PTPRD: variants seen among roughly 807,000 people sequenced by gnomAD.
The protein encoded by PTPRD is protein tyrosine phosphatase receptor type D.
A neutral mutation model predicts 214.5 loss-of-function variants in PTPRD; 34 were observed. The observed-to-expected ratio is 0.16, with a 90% confidence interval of 0.12 to 0.21. PTPRD has a LOEUF of 0.21. PTPRD is among the 10% of genes least tolerant of loss of function. The pLI is 1.00. For synonymous variants in PTPRD, 1,128 were observed against 845.7 expected (o/e 1.33, Z -5.79); for missense variants, 2,545 against 2,398.7 (o/e 1.06, Z -1.27).
chr9:9,277,577 C>T (rs12341841), intron 9 of PTPRD, among the ~76,000 whole-genome samples: 6,940 of 151,210 alleles, frequency 0.046, 234 homozygotes, highest in Non-Finnish European at 0.074. Flanking sequence ...AATTTTGTTG[C>T]TTTATTTATT....
At chr9:10,296,472 AAC>A (rs2095677336) in intron 3 of PTPRD, among the ~76,000 whole-genome samples, 1 of 152,108 alleles carries the variant, frequency 6.6e-6, no homozygotes, top group South Asian at 2.1e-4. Flanking sequence ...TGTATTTTCT[AAC>A]ACATGGTTAA....
intron 14 of PTPRD, among the ~76,000 whole-genome samples, chr9:8,614,243 A>T (rs1157383549): frequency 6.6e-6 from 1 of 152,160 alleles, no homozygotes; most frequent in African/African-American, 2.4e-5. Flanking sequence ...CCTCCAAGTC[A>T]ATACTTATGG....
intron 10 of PTPRD, among the ~76,000 whole-genome samples, chr9:9,162,102 A>G (rs2099890596): frequency 6.6e-6 from 1 of 152,140 alleles, no homozygotes; most frequent in Non-Finnish European, 1.5e-5. Context: ...TGACTATTCT[A>G]TGCCATATTG....
intron 7 of PTPRD, among the ~76,000 whole-genome samples, chr9:9,714,750 G>C (rs546982798): frequency 9.3e-4 from 141 of 152,238 alleles, no homozygotes; most frequent in African/African-American, 3.3e-3. Flanking sequence ...GTGGGTGGCA[G>C]AGCCCATGGA....
chr9:10,076,669 A>G (rs543453829), intron 3 of PTPRD, among the ~76,000 whole-genome samples: 2 of 152,102 alleles, frequency 1.3e-5, no homozygotes, highest in South Asian at 2.1e-4. Flanking sequence ...TCATGTACTC[A>G]TGGGGTCCCA....
intron 5 of PTPRD, among the ~76,000 whole-genome samples, chr9:9,842,689 T>C (rs1262881183): frequency 1.3e-5 from 2 of 151,848 alleles, no homozygotes; most frequent in East Asian, 3.9e-4. Flanking sequence ...TTTTTTCTTT[T>C]CCCCCCAGAT....
chr9:8,430,437 A>AC (rs369036885), intron 35 of PTPRD, among the ~76,000 whole-genome samples: 2 of 142,112 alleles, frequency 1.4e-5, no homozygotes, highest in African/African-American at 5.3e-5. Flanking sequence ...CGACAGGCTA[A>AC]TTTTTTTTTT....
chr9:10,017,096 T>C (rs911690465), intron 4 of PTPRD, among the ~76,000 whole-genome samples: 2 of 152,228 alleles, frequency 1.3e-5, no homozygotes, highest in Non-Finnish European at 2.9e-5. Context: ...ACCAGTAATG[T>C]GAATAAAGTT....
At chr9:9,568,091 A>G (rs145835698) in intron 8 of PTPRD, among the ~76,000 whole-genome samples, 1 of 151,958 alleles carries the variant, frequency 6.6e-6, no homozygotes, top group East Asian at 1.9e-4. Context: ...TAGGTCCCTG[A>G]TTATGTCATT....
At chr9:10,062,888 C>T (rs887840493) in intron 3 of PTPRD, among the ~76,000 whole-genome samples, 6 of 151,918 alleles carry the variant, frequency 3.9e-5, no homozygotes, top group African/African-American at 1.4e-4. Flanking sequence ...CCCAATTTAC[C>T]TCTGTTAATG....
chr9:9,891,718 T>C (rs529172616), intron 5 of PTPRD, among the ~76,000 whole-genome samples: 133 of 152,186 alleles, frequency 8.7e-4, no homozygotes, highest in South Asian at 5.0e-3. Flanking sequence ...TTGAGAAATA[T>C]TGAGATGTTT....
At chr9:10,505,502 A>G (rs1056144902) in intron 2 of PTPRD, among the ~76,000 whole-genome samples, 6 of 152,298 alleles carry the variant, frequency 3.9e-5, no homozygotes, top group African/African-American at 1.2e-4. Flanking sequence ...TCACCTGTCA[A>G]CAGTGGGTAA....
At chr9:10,570,484 T>C (rs1022079954) in intron 2 of PTPRD, among the ~76,000 whole-genome samples, 5 of 152,124 alleles carry the variant, frequency 3.3e-5, no homozygotes, top group African/African-American at 1.2e-4. Context: ...TGAACACATA[T>C]AGTATGAGCG....
At chr9:8,416,340 C>T (rs1241109274) in intron 35 of PTPRD, among the ~76,000 whole-genome samples, 2 of 152,154 alleles carry the variant, frequency 1.3e-5, no homozygotes, top group African/African-American at 4.8e-5. Flanking sequence ...GAATGTTATA[C>T]ACCAATGCTA....
chr9:9,944,061 A>G (rs1420124007), intron 4 of PTPRD, among the ~76,000 whole-genome samples: 2 of 152,176 alleles, frequency 1.3e-5, no homozygotes, highest in East Asian at 3.9e-4. Flanking sequence ...AAATGAGCCC[A>G]ACGACTGGTA....
rs60272481 is a variant in PTPRD, at chr9:10,248,533, A to AAAAAAAC, written c.-545+92429_-545+92430insGTTTTTT. ...TAGCAAAAAAAAAAAAAAATAAAAA[A>AAAAAAAC]AATAAAGCGAGAAACCAAAATGATA... is the stretch of plus-strand genomic sequence containing the variant. On this transcript the variant is annotated intron_variant, in intron 3 of 45. Coordinates refer to ENST00000381196, the MANE Select transcript of PTPRD (RefSeq NM_002839.4). Among the ~76,000 whole-genome samples the AAAAAAAC allele has an allele frequency of 2.8e-4, 36 of 127,418 alleles. 3 individuals are homozygous for AAAAAAAC. Among genetic ancestry groups the AAAAAAAC allele is most frequent in the Non-Finnish European group, 3.6e-4 (23 of 63,272 alleles). The allele number at this position is 127,418 out of a possible 152,430, so 83.6% of individuals were successfully genotyped here.
chr9:8,751,042 G>C (rs531324450), intron 11 of PTPRD, among the ~76,000 whole-genome samples: 2 of 152,174 alleles, frequency 1.3e-5, no homozygotes, highest in African/African-American at 2.4e-5. Context: ...CTTTATAAAA[G>C]GCTCACCAGT....
chr9:8,628,332 T>G (rs1373871668), intron 14 of PTPRD, among the ~76,000 whole-genome samples: 2 of 151,798 alleles, frequency 1.3e-5, no homozygotes, highest in African/African-American at 2.4e-5. Context: ...GTAAAAGTTG[T>G]ATGTTTTTTT....
intron 11 of PTPRD, among the ~76,000 whole-genome samples, chr9:8,841,785 G>T (rs560496531): frequency 6.6e-6 from 1 of 152,062 alleles, no homozygotes; most frequent in Non-Finnish European, 1.5e-5. Flanking sequence ...GCCAAGGCGG[G>T]TGGATCATTT....
Sources: gnomAD v4.1 joint callset for allele counts (sites outside exome capture counted in the v4.1 genomes callset) on GRCh38, gnomAD v4.1.1 for gene constraint, MANE v1.5 for transcripts, NCBI Gene and HGNC (gene_info 2026-07-23, HGNC 2026-07-21) for gene names.